The following LARGE1 variants were observed in gnomAD, a reference collection of about 807,000 sequenced individuals.
The protein encoded by LARGE1 is LARGE xylosyl- and glucuronyltransferase 1.
Under a neutral mutation model 87.6 loss-of-function variants are expected in LARGE1, and 43 were observed. The observed-to-expected ratio is 0.49, with a 90% CI of 0.38 to 0.63. The LOEUF is 0.63. Ranked by LOEUF, LARGE1 falls within the 30% of genes least tolerant of loss-of-function variation. The pLI, the probability that LARGE1 is intolerant of heterozygous loss-of-function variation, is 0.00. For missense variants in LARGE1, 802 were observed against 1,000.2 expected, an observed-to-expected ratio of 0.80 and a Z score of 2.67; for synonymous variants, 434 against 394.6, an observed-to-expected ratio of 1.10 and a Z score of -1.18.
intron 5 of LARGE1, among the ~76,000 whole-genome samples, chr22:33,568,349 G>C (rs1226134545): frequency 2.0e-5 from 3 of 152,176 alleles, no homozygotes; most frequent in Non-Finnish European, 4.4e-5. Flanking sequence ...GATGCTTTAT[G>C]CATCAGCCTC....
intron 9 of LARGE1, among the ~76,000 whole-genome samples, chr22:33,374,462 C>A (rs1289500694): frequency 6.6e-6 from 1 of 152,198 alleles, no homozygotes; most frequent in Non-Finnish European, 1.5e-5. Flanking sequence ...TCTCTATCGT[C>A]TTTTGATAAT....
intron 1 of LARGE1, among the ~76,000 whole-genome samples, chr22:33,909,529 T>TG (rs1555891757): frequency 3.0e-5 from 4 of 134,322 alleles, no homozygotes; most frequent in African/African-American, 1.2e-4. Flanking sequence ...TTTGTTTTTT[T>TG]TTTTTTGTTT....
At chr22:33,486,285 A>G (rs1308449672) in intron 6 of LARGE1, among the ~76,000 whole-genome samples, 1 of 152,230 alleles carries the variant, frequency 6.6e-6, no homozygotes, top group Non-Finnish European at 1.5e-5. Flanking sequence ...GCCTCTACAG[A>G]GAAGACAGCA....
chr22:33,384,046 C>A, intron 8 of LARGE1, 146 bp downstream of exon 8: 1 of 739,710 alleles, frequency 1.4e-6, no homozygotes, highest in Non-Finnish European at 2.5e-6. Flanking sequence ...TTGTCTTAGA[C>A]TGGCAAGAAT....
intron 7 of LARGE1, among the ~76,000 whole-genome samples, chr22:33,395,154 C>T (rs113929907): frequency 1.7e-4 from 25 of 142,908 alleles, no homozygotes; most frequent in East Asian, 4.3e-4. Context: ...GTGTGAACCC[C>T]GGAGGCGGAG....
At chr22:33,782,555 T>C (rs1030816851) in intron 1 of LARGE1, among the ~76,000 whole-genome samples, 2 of 152,138 alleles carry the variant, frequency 1.3e-5, no homozygotes, top group Non-Finnish European at 2.9e-5. Context: ...TCACATAGAT[T>C]AGCTACTACC....
chr22:33,322,809 C>T (rs1041871897), intron 10 of LARGE1: 1 of 152,102 alleles, frequency 6.6e-6, no homozygotes, highest in Non-Finnish European at 1.5e-5. Context: ...TGTCATTTAC[C>T]AACCACAGTG....
At chr22:33,276,010 C>T (rs1929202644) in intron 14 of LARGE1, among the ~76,000 whole-genome samples, 1 of 152,150 alleles carries the variant, frequency 6.6e-6, no homozygotes, top group South Asian at 2.1e-4. Context: ...CATCAGTGTT[C>T]TCAACCCTAA....
chr22:33,190,844 C>T (rs1330808126), intron 11 of LARGE1, among the ~76,000 whole-genome samples: 1 of 152,168 alleles, frequency 6.6e-6, no homozygotes, highest in Non-Finnish European at 1.5e-5. Flanking sequence ...CCCTTCACTG[C>T]TACTTTCTCT....
At chr22:33,482,880 GT>G (rs888420733) in intron 6 of LARGE1, among the ~76,000 whole-genome samples, 3 of 152,146 alleles carry the variant, frequency 2.0e-5, no homozygotes, top group African/African-American at 7.2e-5. Flanking sequence ...AATGTCAAGA[GT>G]TTGAGCACTT....
chr22:33,216,269 G>A (rs1319804159), intron 11 of LARGE1, among the ~76,000 whole-genome samples: 2 of 152,176 alleles, frequency 1.3e-5, no homozygotes, highest in African/African-American at 4.8e-5. Flanking sequence ...AAATTCTTGT[G>A]CCAAATCAAC....
At chr22:33,845,397 C>A (rs2063400370) in intron 1 of LARGE1, among the ~76,000 whole-genome samples, 2 of 152,192 alleles carry the variant, frequency 1.3e-5, no homozygotes, top group Non-Finnish European at 2.9e-5. Flanking sequence ...CAACCTCTAC[C>A]TCCTGGGTTC....
intron 6 of LARGE1, among the ~76,000 whole-genome samples, chr22:33,495,665 GC>G (rs1159416055): frequency 1.3e-5 from 2 of 151,514 alleles, no homozygotes; most frequent in Non-Finnish European, 2.9e-5. Flanking sequence ...GTTGCAGTGA[GC>G]CGAGATCACA....
chr22:33,730,011 T>C (rs765410859), intron 2 of LARGE1, among the ~76,000 whole-genome samples: 4 of 152,072 alleles, frequency 2.6e-5, no homozygotes, highest in Non-Finnish European at 5.9e-5. Flanking sequence ...CATGCGTGCG[T>C]GTGTGTGTTG....
At chr22:33,103,252 T>G in the LARGE1 span, among the ~76,000 whole-genome samples, 1 of 151,028 alleles carries the variant, frequency 6.6e-6, no homozygotes, top group South Asian at 2.1e-4. Context: ...GCTAACAAGG[T>G]GAAACTCCAT....
At chr22:33,829,000 C>CTTTTTTTTTTTTTT (rs1362969628) in intron 1 of LARGE1, among the ~76,000 whole-genome samples, 1 of 106,198 alleles carries the variant, frequency 9.4e-6, no homozygotes. Flanking sequence ...TGTGAAGTCT[C>CTTTTTTTTTTTTTT]TTTTTCTTTT....
At chr22:33,901,695 G>A (rs1415324494) in intron 1 of LARGE1, among the ~76,000 whole-genome samples, 1 of 152,118 alleles carries the variant, frequency 6.6e-6, no homozygotes, top group Admixed American at 6.6e-5. Flanking sequence ...TTAAAATGTT[G>A]AAATGACAAT....
At chr22:33,713,905 A>C (rs1019940388) in intron 2 of LARGE1, among the ~76,000 whole-genome samples, 17 of 152,118 alleles carry the variant, frequency 1.1e-4, no homozygotes, top group Admixed American at 9.8e-4. Context: ...GCAGTGAGCC[A>C]GGATGGTGCT....
At chr22:33,149,991 T>A in the LARGE1 span, among the ~76,000 whole-genome samples, 2 of 152,256 alleles carry the variant, frequency 1.3e-5, no homozygotes, top group East Asian at 3.8e-4. Flanking sequence ...TAAGGTCTCA[T>A]GTTAAAACTA....
Sources: allele counts gnomAD v4.1 joint callset (sites outside exome capture counted in the v4.1 genomes callset), GRCh38; gene constraint gnomAD v4.1.1; transcripts MANE v1.5; gene names NCBI Gene and HGNC (gene_info 2026-07-23, HGNC 2026-07-21).